Variants in EVL observed in about 807,000 individuals in gnomAD.
EVL encodes the protein Enah/Vasp-like.
Under a neutral mutation model 59.6 loss-of-function variants are expected in EVL, and 21 were observed. The ratio of observed to expected loss-of-function variants is 0.35; its 90% CI spans 0.25 to 0.51. The LOEUF (loss-of-function observed/expected upper bound fraction) is 0.51. Ranked by LOEUF, EVL falls within the 20% of genes least tolerant of loss-of-function variation. The pLI is 0.97. For synonymous variants in EVL, 198 were observed against 203.5 expected (o/e 0.97, Z 0.23); for missense variants, 462 against 546.6 (o/e 0.85, Z 1.54).
intron 1 of EVL, among the ~76,000 whole-genome samples, chr14:100,034,104 T>C (rs1485261206): frequency 1.3e-5 from 2 of 151,094 alleles, no homozygotes; most frequent in Admixed American, 1.3e-4. Flanking sequence ...GGCGTGGTGA[T>C]GGGTGCCTAT....
chr14:100,025,975 G>A (rs1408021638), intron 1 of EVL, among the ~76,000 whole-genome samples: 1 of 152,104 alleles, frequency 6.6e-6, no homozygotes. Flanking sequence ...CTGTGGTGGG[G>A]CACAGTGGCT....
intron 3 of EVL, among the ~76,000 whole-genome samples, chr14:100,105,725 A>G (rs1432511850): frequency 6.6e-6 from 1 of 151,958 alleles, no homozygotes; most frequent in Non-Finnish European, 1.5e-5. Context: ...TGAGAGTCCA[A>G]GGGGACGATG....
intron 11 of EVL, 195 bp downstream of exon 11, chr14:100,137,997 A>G (rs10138425): frequency 0.15 from 94,537 of 618,022 alleles, 7,403 homozygotes; most frequent in Middle Eastern, 0.23. Flanking sequence ...CCTCTGAGAG[A>G]GAGACCAAGG....
intron 1 of EVL, among the ~76,000 whole-genome samples, chr14:100,070,686 G>A (rs1186354004): frequency 6.6e-6 from 1 of 152,196 alleles, no homozygotes; most frequent in African/African-American, 2.4e-5. Context: ...AGGGGTGTTT[G>A]TAAGGGCAGA....
rs187328653 is a variant in EVL, at chr14:100,004,749, A to G, written c.5+32692A>G. 4.2e-3 allele frequency among the ~76,000 whole-genome samples: 646 copies of G among 152,232 alleles called. 6 individuals carry two copies. The highest frequency in any genetic ancestry group is 7.1e-3 in the Non-Finnish European group (480 of 68,022). On this transcript the variant is annotated intron_variant, in intron 1 of 13. Coordinates refer to the EVL transcript ENST00000402714. ...CCAAAAAATACCTCTTTATTGCTGT[A>G]ACTTTCTATATATTTCTCTTATTTC... is the stretch of plus-strand genomic sequence containing the variant.
At chr14:99,986,904 T>C (rs1431871662) in intron 1 of EVL, among the ~76,000 whole-genome samples, 1 of 152,196 alleles carries the variant, frequency 6.6e-6, no homozygotes, top group Non-Finnish European at 1.5e-5. Context: ...AAATTCAACT[T>C]AAAGTAGATT....
At chr14:99,980,630 A>G (rs186941570) in intron 1 of EVL, among the ~76,000 whole-genome samples, 1 of 150,894 alleles carries the variant, frequency 6.6e-6, no homozygotes, top group African/African-American at 2.5e-5. Context: ...TAGCTATCAC[A>G]GTTGGGTCCA....
chr14:100,008,008 A>G (rs1198974122), intron 1 of EVL, among the ~76,000 whole-genome samples: 1 of 152,048 alleles, frequency 6.6e-6, no homozygotes, highest in Non-Finnish European at 1.5e-5. Context: ...GCAACACCCA[A>G]CCTCATTTCC....
chr14:100,071,265 C>A (rs1244606325), intron 1 of EVL, among the ~76,000 whole-genome samples: 1 of 152,210 alleles, frequency 6.6e-6, no homozygotes, highest in African/African-American at 2.4e-5. Context: ...GCTCAGTCAC[C>A]ATTTGGGTTT....
chr14:99,976,886 C>T (rs1595536066), intron 1 of EVL, among the ~76,000 whole-genome samples: 1 of 152,232 alleles, frequency 6.6e-6, no homozygotes, highest in East Asian at 1.9e-4. Context: ...ACTGAGCTCA[C>T]TTTCTCAGGC....
chr14:100,132,662 TGGGACAGTGA>T, intron 7 of EVL, 47 bp from the exon 8 acceptor site: 1 of 1,587,180 alleles, frequency 6.3e-7, no homozygotes. Flanking sequence ...AGAAGAGTTC[TGGGACAGTGA>T]GAGAACGTGA....
At chr14:100,136,617 G>C (rs1018140811) in intron 9 of EVL, among the ~76,000 whole-genome samples, 1 of 152,176 alleles carries the variant, frequency 6.6e-6, no homozygotes, top group Non-Finnish European at 1.5e-5. Flanking sequence ...GGCTGCCCTA[G>C]CTGGGCAGAG....
At chr14:100,004,754 T>A (rs1180050677) in intron 1 of EVL, among the ~76,000 whole-genome samples, 3 of 150,188 alleles carry the variant, frequency 2.0e-5, no homozygotes, top group Non-Finnish European at 4.4e-5. Flanking sequence ...GCTGTAACTT[T>A]CTATATATTT....
At chr14:100,054,893 C>G (rs1414538598) in intron 1 of EVL, among the ~76,000 whole-genome samples, 2 of 152,154 alleles carry the variant, frequency 1.3e-5, no homozygotes, top group Admixed American at 1.3e-4. Flanking sequence ...TGTCAACCAG[C>G]CTGTGACAAC....
chr14:99,990,463 C>G (rs1230095813), intron 1 of EVL, among the ~76,000 whole-genome samples: 1 of 152,124 alleles, frequency 6.6e-6, no homozygotes, highest in African/African-American at 2.4e-5. Flanking sequence ...TCTTGCGAAA[C>G]TGAAACTCTA....
chr14:100,007,750 C>T (rs1203794721), intron 1 of EVL, among the ~76,000 whole-genome samples: 1 of 151,652 alleles, frequency 6.6e-6, no homozygotes, highest in Non-Finnish European at 1.5e-5. Flanking sequence ...CCAGCTAAAG[C>T]AGATAGATAC....
intron 1 of EVL, among the ~76,000 whole-genome samples, chr14:100,050,740 T>G (rs1246173642): frequency 1.6e-5 from 2 of 125,988 alleles, no homozygotes; most frequent in Admixed American, 1.0e-4. Flanking sequence ...GTGTATGAGC[T>G]CATGATTTTT....
At chr14:100,065,275 G>A, upstream of EVL, 1 of 284,586 alleles carries the variant, frequency 3.5e-6, no homozygotes, top group East Asian at 6.1e-5. Context: ...GTGGGGCTCT[G>A]CAGTGTTAGC....
At chr14:100,083,420 C>T (rs1386810883) in intron 1 of EVL, among the ~76,000 whole-genome samples, 11 of 150,774 alleles carry the variant, frequency 7.3e-5, no homozygotes, top group Non-Finnish European at 1.5e-4. Flanking sequence ...GGCTGGAGTG[C>T]GGTGGCACAA....
Sources: allele counts gnomAD v4.1 joint callset (sites outside exome capture counted in the v4.1 genomes callset), GRCh38; gene constraint gnomAD v4.1.1; transcripts MANE v1.5; gene names NCBI Gene and HGNC (gene_info 2026-07-23, HGNC 2026-07-21).